GAS5: variants seen among roughly 807,000 people sequenced by gnomAD.
GAS5 encodes growth arrest specific 5 (non-protein coding).
At chr1:173,867,379 G>A (rs1004780584), upstream of GAS5, 3 of 357,204 alleles carry the variant, frequency 8.4e-6, no homozygotes, top group East Asian at 6.6e-5. Flanking sequence ...AGCCTAGCAT[G>A]GTGGCGCGCG....
At chr1:173,867,999 T>G, upstream of GAS5, 1 of 320,920 alleles carries the variant, frequency 3.1e-6, no homozygotes, top group East Asian at 7.9e-5. Context: ...GACAGTATGG[T>G]GCCTGGGCTC....
upstream of GAS5, chr1:173,867,926 C>G: frequency 2.8e-6 from 1 of 363,598 alleles, no homozygotes; most frequent in South Asian, 2.0e-5. Flanking sequence ...TGGAGCGCCC[C>G]AAAACCCGCA....
At chr1:173,867,534 A>C, upstream of GAS5, 1 of 416,692 alleles carries the variant, frequency 2.4e-6, no homozygotes, top group Non-Finnish European at 4.8e-6. Flanking sequence ...AGAAACACTA[A>C]TGGAAATATT....
upstream of GAS5, chr1:173,867,922 G>GC (rs1300455745): frequency 2.5e-5 from 9 of 364,352 alleles, no homozygotes; most frequent in African/African-American, 4.2e-5. Flanking sequence ...AGGCTGGAGC[G>GC]CCCCAAAACC....
upstream of GAS5, chr1:173,867,689 T>A (rs368466641): frequency 3.9e-6 from 2 of 518,872 alleles, no homozygotes; most frequent in South Asian, 2.8e-5. Context: ...ATCAGAGCGG[T>A]TGGCATTCAT....
chr1:173,865,150 T>C (rs763225302), intron 6 of GAS5: 14 of 338,672 alleles, frequency 4.1e-5, no homozygotes, highest in Non-Finnish European at 7.5e-5. Flanking sequence ...AGTGAACTGA[T>C]AGTGCCGCTG....
intron 4 of GAS5, chr1:173,865,923 C>T (rs745457095): frequency 2.7e-5 from 14 of 519,070 alleles, no homozygotes; most frequent in Admixed American, 1.4e-4. Flanking sequence ...CTTAGAATAG[C>T]CACAGATGAG....
At chr1:173,866,551 G>C (rs1463167325) in exon 3 of GAS5, 2 of 743,690 alleles carry the variant, frequency 2.7e-6, no homozygotes, top group African/African-American at 3.4e-5. Flanking sequence ...GCTTGAGTTA[G>C]GCTTGCTCTT....
intron 6 of GAS5, chr1:173,864,329 T>C (rs907299098): frequency 1.9e-6 from 1 of 517,030 alleles, no homozygotes; most frequent in African/African-American, 1.9e-5. Flanking sequence ...AACATATTAA[T>C]CAGGGCAAAA....
upstream of GAS5, chr1:173,867,221 A>G (rs1004688779): frequency 3.7e-5 from 20 of 538,924 alleles, no homozygotes; most frequent in Admixed American, 1.1e-4. Flanking sequence ...ACCCGCAGTT[A>G]AGAACCACCG....
chr1:173,865,572 T>A (rs1654456800), intron 5 of GAS5: 2 of 518,290 alleles, frequency 3.9e-6, no homozygotes, highest in African/African-American at 3.8e-5. Context: ...AGGACTTCCA[T>A]TAAAATGCTA....
At chr1:173,867,895 G>A, upstream of GAS5, 2 of 404,766 alleles carry the variant, frequency 4.9e-6, no homozygotes, top group South Asian at 1.8e-5. Flanking sequence ...TCAATTCAGG[G>A]TGACCTTAGC....
intron 6 of GAS5, chr1:173,864,412 TATTTC>T (rs531649236): frequency 1.1e-4 from 55 of 519,000 alleles, no homozygotes; most frequent in Admixed American, 9.9e-4. Context: ...GATATCATTA[TATTTC>T]ATTTGGCAGA....
At chr1:173,867,905 C>G (rs969651141), upstream of GAS5, 1 of 384,376 alleles carries the variant, frequency 2.6e-6, no homozygotes, top group Admixed American at 3.0e-5. Context: ...GTGACCTTAG[C>G]AGACAAAGGC....
At chr1:173,864,148 G>A (rs550673104) in intron 7 of GAS5, 2 of 517,420 alleles carry the variant, frequency 3.9e-6, no homozygotes, top group Non-Finnish European at 7.7e-6. Flanking sequence ...TGGGAATGCA[G>A]AATATCAGAT....
chr1:173,866,074 G>A lies in GAS5; in HGVS notation n.161+103C>T, dbSNP rs531471279. 4.6e-5 allele frequency: 24 copies of A among 518,684 alleles called. No homozygotes were observed. In the East Asian group the frequency reaches 1.1e-3, roughly 25 times the overall value. 32.1% of individuals were successfully genotyped at this position (518,684 alleles called of 1,614,324 possible). A position where few individuals can be genotyped will look rare whatever the true frequency, so the allele number is the denominator to read the frequency against. On this transcript the variant is annotated intron_variant and non_coding_transcript_variant, in intron 4 of 7. Coordinates refer to ENST00000651080, the Ensembl canonical transcript of GAS5. ...ATTAATCATAACAAGACAAGAATCC[G>A]CCATTTATTTAATGCATTCAGCACT...
chr1:173,866,598 G>GGGAAGTTCA, intron 2 of GAS5: 1 of 763,260 alleles, frequency 1.3e-6, no homozygotes, highest in South Asian at 1.4e-5. Context: ...GTGAACTTAG[G>GGGAAGTTCA]TGTACTCTCT....
intron 6 of GAS5, chr1:173,864,573 T>A: frequency 2.6e-6 from 1 of 381,008 alleles, no homozygotes; most frequent in Non-Finnish European, 5.2e-6. Flanking sequence ...TCAGTCACAT[T>A]TTAACTTTTA....
At chr1:173,867,087 CT>C (rs924071662), upstream of GAS5, 19 of 644,888 alleles carry the variant, frequency 2.9e-5, no homozygotes, top group South Asian at 3.5e-5. Context: ...TTCCACGGTT[CT>C]TTTTTTTAAA....
Sources: gnomAD v4.1 joint callset for allele counts on GRCh38, gnomAD v4.1.1 for gene constraint, MANE v1.5 for transcripts, NCBI Gene and HGNC (gene_info 2026-07-23, HGNC 2026-07-21) for gene names.